PPP3R1: variants seen among roughly 807,000 people sequenced by gnomAD.
The protein encoded by PPP3R1 is calcineurin subunit B type 1.
PPP3R1 carries 5 observed loss-of-function variants against 22.6 expected under a neutral mutation model. That is an observed-to-expected ratio of 0.22 (90% CI 0.12 to 0.46). The LOEUF (loss-of-function observed/expected upper bound fraction) is 0.46, where lower values mean the gene tolerates loss of function less well. Ranked by LOEUF, PPP3R1 falls within the 20% of genes least tolerant of loss-of-function variation. The pLI is 0.99. For missense variants in PPP3R1, 61 were observed against 203.2 expected (o/e 0.30, Z 4.25); for synonymous variants, 56 against 65.2 (o/e 0.86, Z 0.68).
At chr2:68,183,185 C>A (rs1299307297) in intron 5 of PPP3R1, among the ~76,000 whole-genome samples, 1 of 152,214 alleles carries the variant, frequency 6.6e-6, no homozygotes, top group African/African-American at 2.4e-5. Flanking sequence ...CTTTCTACTA[C>A]CATTTGAGTG....
intron 2 of PPP3R1, among the ~76,000 whole-genome samples, chr2:68,198,697 T>C (rs1674890582): frequency 6.6e-6 from 1 of 152,072 alleles, no homozygotes; most frequent in Admixed American, 6.6e-5. Context: ...TAACCATCAG[T>C]TTGCTAAATT....
chr2:68,238,403 G>A (rs1229383065), intron 1 of PPP3R1, among the ~76,000 whole-genome samples: 4 of 152,106 alleles, frequency 2.6e-5, no homozygotes, highest in Admixed American at 6.6e-5. Flanking sequence ...CAGAGAAAGG[G>A]GAGAGACATT....
At chr2:68,246,077 T>C (rs1179252176) in intron 1 of PPP3R1, among the ~76,000 whole-genome samples, 12 of 134,652 alleles carry the variant, frequency 8.9e-5, no homozygotes, top group Non-Finnish European at 1.3e-4. Flanking sequence ...CTTTTTTTTT[T>C]TTTTTTTTTT....
At chr2:68,227,460 A>G (rs1669804577) in intron 1 of PPP3R1, among the ~76,000 whole-genome samples, 1 of 152,046 alleles carries the variant, frequency 6.6e-6, no homozygotes, top group African/African-American at 2.4e-5. Context: ...TCTTAAATAC[A>G]AAGCAAAAGG....
intron 2 of PPP3R1, among the ~76,000 whole-genome samples, chr2:68,208,627 C>T (rs1669386131): frequency 6.6e-6 from 1 of 152,058 alleles, no homozygotes. Flanking sequence ...TCATATGATC[C>T]TAATTATATT....
At chr2:68,200,991 T>G (rs957581729) in intron 2 of PPP3R1, among the ~76,000 whole-genome samples, 8 of 152,196 alleles carry the variant, frequency 5.3e-5, no homozygotes, top group African/African-American at 1.7e-4. Flanking sequence ...AAGTATTCTG[T>G]TATTAATAAC....
chr2:68,209,743 G>A (rs1237177536), intron 2 of PPP3R1, among the ~76,000 whole-genome samples: 1 of 151,998 alleles, frequency 6.6e-6, no homozygotes, highest in Non-Finnish European at 1.5e-5. Context: ...GGGCAACAGA[G>A]GCCAACTTTG....
intron 1 of PPP3R1, among the ~76,000 whole-genome samples, chr2:68,237,927 CCTTT>C (rs1280782684): frequency 1.3e-5 from 2 of 152,038 alleles, no homozygotes; most frequent in Non-Finnish European, 2.9e-5. Flanking sequence ...TTTTGAGTTT[CCTTT>C]ATTTATGAAA....
intron 1 of PPP3R1, among the ~76,000 whole-genome samples, chr2:68,229,205 T>C (rs1669842817): frequency 2.0e-5 from 3 of 151,658 alleles, no homozygotes. Context: ...GGAGACTGAG[T>C]CTTGCTACAT....
chr2:68,230,641 A>G (rs1306883037), intron 1 of PPP3R1, among the ~76,000 whole-genome samples: 1 of 140,022 alleles, frequency 7.1e-6, no homozygotes, highest in East Asian at 2.1e-4. Context: ...ATGTTCCAAG[A>G]TTCTTTCATC....
intron 2 of PPP3R1, among the ~76,000 whole-genome samples, chr2:68,207,941 G>A (rs1184221832): frequency 6.6e-6 from 1 of 152,106 alleles, no homozygotes; most frequent in Non-Finnish European, 1.5e-5. Context: ...GGCTCGCCTG[G>A]GATCAGGAGT....
intron 1 of PPP3R1, among the ~76,000 whole-genome samples, chr2:68,248,515 CTA>C (rs1670279721): frequency 6.6e-6 from 1 of 152,168 alleles, no homozygotes; most frequent in South Asian, 2.1e-4. Context: ...AAAGTTCAGC[CTA>C]TATCACAATT....
intron 1 of PPP3R1, among the ~76,000 whole-genome samples, chr2:68,229,993 C>CACACACACATATATAT (rs1553408575): frequency 2.6e-5 from 4 of 151,060 alleles, no homozygotes; most frequent in East Asian, 1.9e-4. Context: ...CACACACACA[C>CACACACACATATATAT]ACACACACAC....
At chr2:68,244,637 G>C (rs1211285503) in intron 1 of PPP3R1, among the ~76,000 whole-genome samples, 1 of 151,258 alleles carries the variant, frequency 6.6e-6, no homozygotes, top group Non-Finnish European at 1.5e-5. Flanking sequence ...CGCTCTTACA[G>C]CTCCCTCTCC....
chr2:68,219,650 A>T (rs1669647724), intron 1 of PPP3R1, among the ~76,000 whole-genome samples: 1 of 152,228 alleles, frequency 6.6e-6, no homozygotes, highest in Non-Finnish European at 1.5e-5. Context: ...TTCTGCAGTG[A>T]ATTTGTAGCC....
At chr2:68,212,539 G>A (rs1327378952) in intron 2 of PPP3R1, among the ~76,000 whole-genome samples, 1 of 152,204 alleles carries the variant, frequency 6.6e-6, no homozygotes, top group East Asian at 1.9e-4. Context: ...CGTGTTAGCA[G>A]GCATGAAAAC....
chr2:68,214,468 G>A (rs533151932), intron 2 of PPP3R1, among the ~76,000 whole-genome samples: 15 of 152,092 alleles, frequency 9.9e-5, no homozygotes, highest in Non-Finnish European at 1.9e-4. Context: ...AGTGGGTAAA[G>A]GACACGAACA....
chr2:68,198,292 C>CACATGTAT (rs750742046), intron 2 of PPP3R1, among the ~76,000 whole-genome samples: 1 of 137,724 alleles, frequency 7.3e-6, no homozygotes, highest in African/African-American at 3.0e-5. Context: ...TATGTGTATA[C>CACATGTAT]ACATGTATAC....
chr2:68,231,124 TA>T (rs1669888321), intron 1 of PPP3R1, among the ~76,000 whole-genome samples: 2 of 152,210 alleles, frequency 1.3e-5, no homozygotes, highest in African/African-American at 2.4e-5. Flanking sequence ...ACACAAGTGT[TA>T]AATCTTTTTA....
Sources: gnomAD v4.1 joint callset for allele counts (sites outside exome capture counted in the v4.1 genomes callset) on GRCh38, gnomAD v4.1.1 for gene constraint, MANE v1.5 for transcripts, NCBI Gene and HGNC (gene_info 2026-07-23, HGNC 2026-07-21) for gene names.